The following PARM1 variants were observed in gnomAD, a reference collection of about 807,000 sequenced individuals.
PARM1 encodes the protein WSC4, cell wall integrity and stress response component 4 homolog.
In PARM1, 14 loss-of-function variants were observed where a neutral mutation model predicts 24.6. That is an observed-to-expected ratio of 0.57 (90% CI 0.38 to 0.89). The LOEUF (loss-of-function observed/expected upper bound fraction) is 0.89. PARM1 is among the 40% of genes least tolerant of loss of function. The probability of loss-of-function intolerance (pLI) is 0.00; values close to 1 mark genes in which losing one functional copy is unlikely to be tolerated. For synonymous variants in PARM1, 179 were observed against 156.6 expected, an observed-to-expected ratio of 1.14 and a Z score of -1.07; for missense variants, 362 against 380.4, an observed-to-expected ratio of 0.95 and a Z score of 0.40.
intron 2 of PARM1, among the ~76,000 whole-genome samples, chr4:75,017,795 G>A (rs1723015367): frequency 6.6e-6 from 1 of 152,142 alleles, no homozygotes; most frequent in Non-Finnish European, 1.5e-5. Context: ...AATAACATTT[G>A]TTGAATACAT....
At chr4:75,040,587 A>G (rs1308282493) in intron 3 of PARM1, among the ~76,000 whole-genome samples, 1 of 152,214 alleles carries the variant, frequency 6.6e-6, no homozygotes, top group African/African-American at 2.4e-5. Flanking sequence ...AATAAAATAA[A>G]TTGTAATGAT....
intron 1 of PARM1, among the ~76,000 whole-genome samples, chr4:75,005,674 C>T (rs982068625): frequency 3.9e-5 from 6 of 152,216 alleles, no homozygotes; most frequent in Non-Finnish European, 8.8e-5. Context: ...TGGATGTAAA[C>T]TATAATAGTG....
At chr4:75,026,514 C>T (rs1723185629) in intron 2 of PARM1, among the ~76,000 whole-genome samples, 2 of 152,308 alleles carry the variant, frequency 1.3e-5, no homozygotes, top group South Asian at 2.1e-4. Flanking sequence ...TGACTGTCAT[C>T]GGGATGAGTT....
At chr4:75,017,842 A>G (rs1723016522) in intron 2 of PARM1, among the ~76,000 whole-genome samples, 1 of 152,248 alleles carries the variant, frequency 6.6e-6, no homozygotes, top group Non-Finnish European at 1.5e-5. Context: ...TAGGGAAGTT[A>G]TTAGATCTCC....
intron 1 of PARM1, among the ~76,000 whole-genome samples, chr4:74,958,274 G>A (rs934611519): frequency 2.6e-5 from 4 of 152,042 alleles, no homozygotes; most frequent in Non-Finnish European, 5.9e-5. Context: ...CTTGAACTAG[G>A]GATATACAAA....
chr4:75,038,833 A>C (rs1256358597), intron 3 of PARM1, among the ~76,000 whole-genome samples: 1 of 152,198 alleles, frequency 6.6e-6, no homozygotes, highest in African/African-American at 2.4e-5. Context: ...CCAAGACATA[A>C]TCTCCCTGCA....
intron 3 of PARM1, among the ~76,000 whole-genome samples, chr4:75,042,136 G>A (rs1447969620): frequency 1.3e-5 from 2 of 152,132 alleles, no homozygotes; most frequent in Non-Finnish European, 2.9e-5. Context: ...AAACCCCATA[G>A]ACACTCCATA....
intron 2 of PARM1, among the ~76,000 whole-genome samples, chr4:75,026,369 A>G (rs1224501126): frequency 6.6e-6 from 1 of 152,238 alleles, no homozygotes; most frequent in Non-Finnish European, 1.5e-5. Context: ...TCATATATCT[A>G]TGTCTTATAT....
chr4:74,972,397 C>G (rs1416843347), intron 1 of PARM1, among the ~76,000 whole-genome samples: 1 of 152,154 alleles, frequency 6.6e-6, no homozygotes, highest in Non-Finnish European at 1.5e-5. Context: ...TTCAGAATCC[C>G]TTTATTTGGC....
intron 3 of PARM1, among the ~76,000 whole-genome samples, chr4:75,036,556 G>A (rs769124293): frequency 6.6e-6 from 1 of 152,164 alleles, no homozygotes; most frequent in East Asian, 1.9e-4. Flanking sequence ...ACTGGAAGGA[G>A]CCCCAGGAAG....
At chr4:75,038,307 A>G (rs1235505498) in intron 3 of PARM1, among the ~76,000 whole-genome samples, 1 of 152,274 alleles carries the variant, frequency 6.6e-6, no homozygotes, top group Non-Finnish European at 1.5e-5. Context: ...TGTTACAAAG[A>G]TTAAATTATG....
intron 1 of PARM1, among the ~76,000 whole-genome samples, chr4:74,944,529 A>G (rs1721372582): frequency 6.6e-6 from 1 of 152,126 alleles, no homozygotes; most frequent in African/African-American, 2.4e-5. Context: ...GCTGGAGGAC[A>G]GGTGACCATG....
At chr4:74,945,859 G>A (rs1231823689) in intron 1 of PARM1, among the ~76,000 whole-genome samples, 3 of 152,134 alleles carry the variant, frequency 2.0e-5, no homozygotes, top group African/African-American at 7.2e-5. Context: ...ATAAAATGTG[G>A]TGTAGGTAAA....
chr4:74,948,377 C>CTTG (rs1304828112), intron 1 of PARM1, among the ~76,000 whole-genome samples: 1 of 152,228 alleles, frequency 6.6e-6, no homozygotes, highest in Non-Finnish European at 1.5e-5. Flanking sequence ...CCTCTTCAAG[C>CTTG]TTGTTCACCA....
At chr4:74,939,654 A>G (rs1015553058) in intron 1 of PARM1, among the ~76,000 whole-genome samples, 2 of 152,128 alleles carry the variant, frequency 1.3e-5, no homozygotes, top group Non-Finnish European at 2.9e-5. Flanking sequence ...GTCTATTGGT[A>G]TTACTTGGAA....
chr4:75,045,591 T>C (rs1723585750), intron 3 of PARM1, among the ~76,000 whole-genome samples: 1 of 152,230 alleles, frequency 6.6e-6, no homozygotes, highest in African/African-American at 2.4e-5. Context: ...TTGGATGACT[T>C]TGGGCACTTC....
intron 1 of PARM1, among the ~76,000 whole-genome samples, chr4:74,975,552 A>G (rs1722127432): frequency 6.6e-6 from 1 of 152,238 alleles, no homozygotes; most frequent in Admixed American, 6.5e-5. Context: ...TATAAAATGC[A>G]TGTATTTCAT....
At chr4:75,000,456 C>G (rs1451068095) in intron 1 of PARM1, among the ~76,000 whole-genome samples, 3 of 152,176 alleles carry the variant, frequency 2.0e-5, no homozygotes, top group Non-Finnish European at 4.4e-5. Flanking sequence ...TTCTGCCTTT[C>G]ACTCTCATCA....
chr4:74,997,441 C>T (rs1172678018), intron 1 of PARM1, among the ~76,000 whole-genome samples: 1 of 152,128 alleles, frequency 6.6e-6, no homozygotes, highest in Non-Finnish European at 1.5e-5. Context: ...GAGTAGGATC[C>T]TCCTTCAAAA....
Sources: allele counts gnomAD v4.1 joint callset (sites outside exome capture counted in the v4.1 genomes callset), GRCh38; gene constraint gnomAD v4.1.1; transcripts MANE v1.5; gene names NCBI Gene and HGNC (gene_info 2026-07-23, HGNC 2026-07-21).